The following MRFAP1L2 variants were observed in gnomAD, a reference collection of about 807,000 sequenced individuals.
The protein encoded by MRFAP1L2 is MORF4 family-associated protein 1-like protein UPP.
chr4:6,675,963 C>G, the MRFAP1L2 span: 1 of 152,160 alleles, frequency 6.6e-6, no homozygotes, highest in Admixed American at 6.5e-5. Flanking sequence ...ATGCTGAAAG[C>G]CAGTGTTTAG....
the MRFAP1L2 span, chr4:6,674,740 A>G: frequency 3.9e-6 from 2 of 518,598 alleles, no homozygotes; most frequent in Admixed American, 4.2e-5. Context: ...ATGTTGTTGT[A>G]AAGAGTCATG....
At chr4:6,674,815 A>C in the MRFAP1L2 span, 1 of 452,684 alleles carries the variant, frequency 2.2e-6, no homozygotes, top group South Asian at 3.7e-5. Flanking sequence ...AGAGGTGTGA[A>C]GCGGAGGTAC....
chr4:6,675,641 A>G, the MRFAP1L2 span: 1 of 152,144 alleles, frequency 6.6e-6, no homozygotes, highest in Non-Finnish European at 1.5e-5. Flanking sequence ...TTCCTATGGC[A>G]TGTTAACTGG....
At chr4:6,674,786 G>A in the MRFAP1L2 span, 1 of 487,648 alleles carries the variant, frequency 2.1e-6, no homozygotes, top group South Asian at 2.9e-5. Flanking sequence ...AGACCTGGTG[G>A]GTCACTACGT....
At chr4:6,674,501 G>A in the MRFAP1L2 span, 1 of 671,986 alleles carries the variant, frequency 1.5e-6, no homozygotes, top group African/African-American at 1.9e-5. Flanking sequence ...GAGGAAGGCT[G>A]CGGAGGCGGC....
the MRFAP1L2 span, chr4:6,674,619 C>A: frequency 1.7e-6 from 1 of 580,440 alleles, no homozygotes; most frequent in Non-Finnish European, 3.0e-6. Flanking sequence ...CGGGGAGTGT[C>A]CCGCGTGGAA....
chr4:6,674,530 C>G, the MRFAP1L2 span: 2 of 669,400 alleles, frequency 3.0e-6, no homozygotes, highest in Admixed American at 2.1e-5. Flanking sequence ...GCAGGCGGAT[C>G]GTGGAGCTGC....
At chr4:6,674,403 A>C in the MRFAP1L2 span, 1 of 655,186 alleles carries the variant, frequency 1.5e-6, no homozygotes. Flanking sequence ...AGTGAGGTGG[A>C]GGCAGAGGAG....
chr4:6,674,076 AT>A, the MRFAP1L2 span: 1 of 390,468 alleles, frequency 2.6e-6, no homozygotes, highest in African/African-American at 2.1e-5. Context: ...CTAGTAGCCC[AT>A]TTTGGATACC....
the MRFAP1L2 span, chr4:6,674,415 G>A: frequency 4.6e-6 from 3 of 653,460 alleles, no homozygotes; most frequent in African/African-American, 3.8e-5. Context: ...GCAGAGGAGC[G>A]GGGCGCCCGG....
At chr4:6,674,241 G>A in the MRFAP1L2 span, 3 of 414,284 alleles carry the variant, frequency 7.2e-6, no homozygotes, top group Non-Finnish European at 1.3e-5. Context: ...GACGAGGCGC[G>A]GGAGCCCCGC....
At chr4:6,674,555 G>C in the MRFAP1L2 span, 1 of 660,430 alleles carries the variant, frequency 1.5e-6, no homozygotes, top group Non-Finnish European at 2.7e-6. Flanking sequence ...GCGGATCGCC[G>C]GCTGCGAGTG....
the MRFAP1L2 span, chr4:6,674,763 A>G: frequency 1.1e-3 from 545 of 502,046 alleles, 4 homozygotes; most frequent in African/African-American, 0.01. Flanking sequence ...CACTGGAAGT[A>G]TTTTCAGGAC....
At chr4:6,674,546 C>T in the MRFAP1L2 span, 5 of 662,888 alleles carry the variant, frequency 7.5e-6, no homozygotes, top group South Asian at 3.1e-5. Flanking sequence ...GCTGCACCAG[C>T]GGATCGCCGG....
At chr4:6,674,462 C>T in the MRFAP1L2 span, 44 of 660,094 alleles carry the variant, frequency 6.7e-5, no homozygotes, top group Admixed American at 1.8e-4. Flanking sequence ...GGCTGAGGAG[C>T]GGGTGGCTCG....
At chr4:6,674,803 A>G in the MRFAP1L2 span, 3 of 464,226 alleles carry the variant, frequency 6.5e-6, no homozygotes, top group East Asian at 3.7e-5. Flanking sequence ...ACGTGGGGGG[A>G]GAGAGGTGTG....
chr4:6,674,180 C>T, the MRFAP1L2 span: 3 of 390,334 alleles, frequency 7.7e-6, no homozygotes, highest in Non-Finnish European at 9.1e-6. Flanking sequence ...GCAGCCCCGG[C>T]GTGCCCCGCG....
the MRFAP1L2 span, chr4:6,675,953 A>G: frequency 1.3e-5 from 2 of 152,256 alleles, no homozygotes; most frequent in Non-Finnish European, 2.9e-5. Context: ...GGAAAAAGAA[A>G]TGCTGAAAGC....
At chr4:6,674,811 G>A in the MRFAP1L2 span, 1 of 456,370 alleles carries the variant, frequency 2.2e-6, no homozygotes, top group Non-Finnish European at 3.9e-6. Context: ...GGAGAGAGGT[G>A]TGAAGCGGAG....
Sources: gnomAD v4.1 joint callset for allele counts on GRCh38, gnomAD v4.1.1 for gene constraint, MANE v1.5 for transcripts, NCBI Gene and HGNC (gene_info 2026-07-23, HGNC 2026-07-21) for gene names.